NSMCE2: variants seen among roughly 807,000 people sequenced by gnomAD.
NSMCE2 encodes the protein E3 SUMO-protein ligase NSE2.
NSMCE2 carries 24 observed loss-of-function variants against 23.8 expected under a neutral mutation model. That is an observed-to-expected ratio of 1.01 (90% CI 0.73 to 1.42). The LOEUF (loss-of-function observed/expected upper bound fraction) is 1.42. NSMCE2 is among the 40% of genes most tolerant of loss of function. The pLI is 0.00. For synonymous variants in NSMCE2, 92 were observed against 94.1 expected (o/e 0.98, Z 0.13); for missense variants, 284 against 296.5 (o/e 0.96, Z 0.31).
intron 5 of NSMCE2, among the ~76,000 whole-genome samples, chr8:125,256,922 CAAAAAAAAAAAAAAAAAAAAAAA>C (rs60308659): frequency 2.3e-4 from 6 of 26,056 alleles, no homozygotes; most frequent in African/African-American, 5.5e-4. Flanking sequence ...GACTCTGTGT[CAAAAAAAAAAAAAAAAAAAAAAA>C]AAAAAAAAAA....
At chr8:125,199,660 G>T (rs929547355) in intron 5 of NSMCE2, among the ~76,000 whole-genome samples, 1 of 152,176 alleles carries the variant, frequency 6.6e-6, no homozygotes, top group Non-Finnish European at 1.5e-5. Flanking sequence ...CTGTTGATTT[G>T]GGGTGGAGAG....
chr8:125,232,230 G>A (rs1383698517), intron 5 of NSMCE2, among the ~76,000 whole-genome samples: 1 of 152,102 alleles, frequency 6.6e-6, no homozygotes, highest in South Asian at 2.1e-4. Flanking sequence ...GGATGTGGTG[G>A]TGCATGCCTG....
chr8:125,237,337 G>A (rs550926195), intron 5 of NSMCE2, among the ~76,000 whole-genome samples: 1 of 152,268 alleles, frequency 6.6e-6, no homozygotes, highest in Non-Finnish European at 1.5e-5. Context: ...CACTCACACA[G>A]TCTCCATCAG....
intron 5 of NSMCE2, among the ~76,000 whole-genome samples, chr8:125,274,664 T>G (rs1328776720): frequency 6.6e-6 from 1 of 152,188 alleles, no homozygotes; most frequent in East Asian, 1.9e-4. Context: ...GCACGGTGGC[T>G]CATGCTGGTA....
intron 3 of NSMCE2, among the ~76,000 whole-genome samples, chr8:125,117,380 C>T (rs1044840879): frequency 6.6e-6 from 1 of 152,144 alleles, no homozygotes; most frequent in Non-Finnish European, 1.5e-5. Context: ...AGCCACTGCT[C>T]CCAGCCTTCA....
intron 5 of NSMCE2, among the ~76,000 whole-genome samples, chr8:125,206,988 GTCT>G (rs902071780): frequency 1.1e-4 from 17 of 152,182 alleles, no homozygotes; most frequent in African/African-American, 4.1e-4. Flanking sequence ...GAGAAAGTTT[GTCT>G]TCTTAGTATC....
chr8:125,312,090 A>AAAAAAG (rs1563777182), intron 5 of NSMCE2, among the ~76,000 whole-genome samples: 2 of 148,838 alleles, frequency 1.3e-5, no homozygotes, highest in Non-Finnish European at 3.0e-5. Context: ...AAAAAAAAAA[A>AAAAAAG]AAAGAAAGAA....
At chr8:125,119,860 G>T in intron 3 of NSMCE2, among the ~76,000 whole-genome samples, 1 of 151,720 alleles carries the variant, frequency 6.6e-6, no homozygotes, top group East Asian at 1.9e-4. Flanking sequence ...CTTTATAAAT[G>T]AAATTATTTG....
chr8:125,301,312 C>G (rs1284856264), intron 5 of NSMCE2, among the ~76,000 whole-genome samples: 1 of 152,190 alleles, frequency 6.6e-6, no homozygotes, highest in African/African-American at 2.4e-5. Flanking sequence ...AAGTAGTCAT[C>G]TAACCCGAGG....
chr8:125,134,963 A>G (rs1475150897), intron 3 of NSMCE2, among the ~76,000 whole-genome samples: 2 of 152,210 alleles, frequency 1.3e-5, no homozygotes, highest in East Asian at 3.9e-4. Context: ...GCTGGAGTGC[A>G]GTGGCTCAAT....
At chr8:125,292,044 A>G (rs1211478485) in intron 5 of NSMCE2, among the ~76,000 whole-genome samples, 1 of 152,134 alleles carries the variant, frequency 6.6e-6, no homozygotes, top group African/African-American at 2.4e-5. Context: ...TACACCAGGA[A>G]GTGCACATCA....
chr8:125,157,718 T>C (rs1236997328), intron 4 of NSMCE2, among the ~76,000 whole-genome samples: 2 of 152,192 alleles, frequency 1.3e-5, no homozygotes, highest in African/African-American at 4.8e-5. Context: ...ATATGTTATA[T>C]TGAGACTGAT....
At chr8:125,100,979 A>G (rs1339526751) in intron 1 of NSMCE2, among the ~76,000 whole-genome samples, 1 of 152,196 alleles carries the variant, frequency 6.6e-6, no homozygotes, top group Non-Finnish European at 1.5e-5. Flanking sequence ...CATCTTGAAA[A>G]CTGTGGTATT....
At chr8:125,208,958 G>C (rs1824222124) in intron 5 of NSMCE2, among the ~76,000 whole-genome samples, 1 of 152,112 alleles carries the variant, frequency 6.6e-6, no homozygotes, top group Non-Finnish European at 1.5e-5. Flanking sequence ...TGGTGCCAAG[G>C]CTTAATTTTG....
Position 125,238,622 on chromosome 8 carries a change from A to G in NSMCE2, c.418+56366A>G, listed in dbSNP as rs78733198. On this transcript the variant is annotated intron_variant, in intron 5 of 7. Transcript: ENST00000287437. The stretch of plus-strand genomic sequence containing the variant: ...CCCCCTTTCCCACCAGCTTCCAGCC[A>G]GAATAATTGATAACTAAATCTCACC... Among the ~76,000 whole-genome samples the G allele has an allele frequency of 4.2e-3, 647 of 152,280 alleles. 6 individuals are homozygous for G. Among genetic ancestry groups the G allele is most frequent in the African/African-American group, 0.015 (616 of 41,546 alleles).
At chr8:125,172,970 T>C (rs1822293244) in intron 4 of NSMCE2, among the ~76,000 whole-genome samples, 2 of 152,184 alleles carry the variant, frequency 1.3e-5, no homozygotes, top group South Asian at 2.1e-4. Context: ...TGGTCCTGCC[T>C]ATATGGAGTT....
chr8:125,213,044 A>G (rs1326294912), intron 5 of NSMCE2, among the ~76,000 whole-genome samples: 1 of 152,212 alleles, frequency 6.6e-6, no homozygotes, highest in Non-Finnish European at 1.5e-5. Context: ...GCAGTAAATG[A>G]TGATTGGCTA....
intron 5 of NSMCE2, among the ~76,000 whole-genome samples, chr8:125,209,911 T>C (rs1824258525): frequency 6.6e-6 from 1 of 152,222 alleles, no homozygotes; most frequent in African/African-American, 2.4e-5. Flanking sequence ...TGATCATAAG[T>C]TGAAATGAGA....
intron 5 of NSMCE2, among the ~76,000 whole-genome samples, chr8:125,244,717 A>C (rs368356626): frequency 1.3e-5 from 2 of 152,370 alleles, no homozygotes; most frequent in Non-Finnish European, 2.9e-5. Flanking sequence ...TTCAGTAAAC[A>C]CTGTCAAAGC....
Sources: gnomAD v4.1 joint callset for allele counts (sites outside exome capture counted in the v4.1 genomes callset) on GRCh38, gnomAD v4.1.1 for gene constraint, MANE v1.5 for transcripts, NCBI Gene and HGNC (gene_info 2026-07-23, HGNC 2026-07-21) for gene names.